AKAP6: variants seen among roughly 807,000 people sequenced by gnomAD.
AKAP6 encodes A-kinase anchoring protein 6, also known as A-kinase anchor protein 6.
AKAP6 carries 58 observed loss-of-function variants against 188.5 expected under a neutral mutation model. That is an observed-to-expected ratio of 0.31 (90% CI 0.25 to 0.38). The LOEUF is 0.38. Ranked by LOEUF, AKAP6 falls within the 10% of genes least tolerant of loss-of-function variation. The pLI is 1.00. For missense variants in AKAP6, 2,710 were observed against 2,740.0 expected (o/e 0.99, Z 0.24); for synonymous variants, 989 against 998.6 (o/e 0.99, Z 0.18).
intron 11 of AKAP6, among the ~76,000 whole-genome samples, chr14:32,766,160 A>G (rs1177308120): frequency 2.0e-5 from 3 of 152,138 alleles, no homozygotes; most frequent in African/African-American, 7.2e-5. Context: ...GATGTTCTCA[A>G]GGTTCATCCA....
chr14:32,720,714 T>C (rs117779541), intron 9 of AKAP6, among the ~76,000 whole-genome samples: 110 of 152,324 alleles, frequency 7.2e-4, no homozygotes, highest in Non-Finnish European at 1.2e-3. Flanking sequence ...TGCAGTGGCA[T>C]GCACCTGTAG....
intron 1 of AKAP6, among the ~76,000 whole-genome samples, chr14:32,380,924 T>C (rs1312636588): frequency 7.9e-5 from 12 of 152,180 alleles, no homozygotes; most frequent in Non-Finnish European, 1.8e-4. Context: ...TTAGCAGGCC[T>C]TATACATAAA....
At position 32,823,035 on chromosome 14, in the gene AKAP6, C is replaced by G; in HGVS notation, c.5222C>G (p.Ser1741Cys). The G allele has an allele frequency of 6.2e-7, 1 of 1,613,788 alleles. No homozygotes were observed. The highest frequency in any genetic ancestry group is 2.2e-5 in the East Asian group (1 of 44,846). ...AATGTCAGCATGATTGTTAATGTCT[C>G]TTGCACCTCTGCTTGCACTGATGAT... ...DVNVSMIVNVSCTSACTDDED... is the reference protein window; with the variant it reads ...DVNVSMIVNVCCTSACTDDED... The change falls in exon 13 of 14, where the codon TCT becomes TGT. Residue 1741 changes from serine (S) to cysteine (C), a missense_variant. Physicochemically the swap from Ser to Cys is moderately radical, Grantham distance 112. Transcript: ENST00000280979.
At chr14:32,394,645 C>G (rs1298125566) in intron 1 of AKAP6, among the ~76,000 whole-genome samples, 3 of 152,188 alleles carry the variant, frequency 2.0e-5, no homozygotes, top group African/African-American at 7.2e-5. Context: ...TGTATAGACA[C>G]TCATACAGTT....
chr14:32,452,011 ATTTTTTTTTTTTTT>A (rs61035125), intron 2 of AKAP6, among the ~76,000 whole-genome samples: 3 of 66,194 alleles, frequency 4.5e-5, no homozygotes, highest in African/African-American at 1.5e-4. Context: ...TTTTCTTTAC[ATTTTTTTTTTTTTT>A]TTTTTTTTTT....
intron 4 of AKAP6, among the ~76,000 whole-genome samples, chr14:32,558,824 A>G (rs57544429): frequency 0.13 from 19,647 of 152,130 alleles, 2,454 homozygotes; most frequent in African/African-American, 0.33. Flanking sequence ...AATGGAGGGC[A>G]GCCACCTTTC....
intron 10 of AKAP6, 193 bp downstream of exon 10, chr14:32,732,793 G>A (rs1156746847): frequency 1.5e-6 from 1 of 656,602 alleles, no homozygotes. Context: ...TTTTTTCTGA[G>A]CTTGTCCCCT....
At chr14:32,668,685 G>A (rs1889052368) in intron 7 of AKAP6, among the ~76,000 whole-genome samples, 1 of 152,048 alleles carries the variant, frequency 6.6e-6, no homozygotes, top group Non-Finnish European at 1.5e-5. Flanking sequence ...TTAGACATGA[G>A]ATTTGTAAAT....
intron 2 of AKAP6, among the ~76,000 whole-genome samples, chr14:32,465,028 A>G (rs1566519144): frequency 1.3e-5 from 2 of 152,188 alleles, no homozygotes; most frequent in African/African-American, 4.8e-5. Context: ...AATAAAACTT[A>G]CAAGGGATGC....
intron 9 of AKAP6, among the ~76,000 whole-genome samples, chr14:32,718,905 T>C (rs2030376346): frequency 6.6e-6 from 1 of 152,140 alleles, no homozygotes; most frequent in Non-Finnish European, 1.5e-5. Flanking sequence ...ATGCTAAGAA[T>C]TACAGTGGGT....
chr14:32,800,060 T>TATATATATAG, intron 12 of AKAP6, among the ~76,000 whole-genome samples: 1 of 117,716 alleles, frequency 8.5e-6, no homozygotes, highest in African/African-American at 3.3e-5. Flanking sequence ...TCTCTCTCTC[T>TATATATATAG]CTATATATAT....
chr14:32,609,426 G>T (rs1886258118), intron 7 of AKAP6, among the ~76,000 whole-genome samples: 1 of 152,240 alleles, frequency 6.6e-6, no homozygotes, highest in East Asian at 1.9e-4. Context: ...CCTAAATGAA[G>T]GTTTATGTTT....
At chr14:32,650,425 C>T (rs1888166138) in intron 7 of AKAP6, among the ~76,000 whole-genome samples, 3 of 152,000 alleles carry the variant, frequency 2.0e-5, no homozygotes, top group Admixed American at 2.0e-4. Flanking sequence ...CCAGCCTGAC[C>T]AACACGGTGA....
chr14:32,583,868 G>A (rs959278488), intron 5 of AKAP6, among the ~76,000 whole-genome samples: 1 of 152,178 alleles, frequency 6.6e-6, no homozygotes, highest in Non-Finnish European at 1.5e-5. Context: ...GATTTTCCAG[G>A]TGCCATCTGT....
chr14:32,633,865 C>T (rs1169437194), intron 7 of AKAP6, among the ~76,000 whole-genome samples: 1 of 152,114 alleles, frequency 6.6e-6, no homozygotes, highest in Non-Finnish European at 1.5e-5. Context: ...TTCTTCATGT[C>T]TCCCATCTCT....
intron 12 of AKAP6, among the ~76,000 whole-genome samples, chr14:32,799,425 C>T (rs1409470302): frequency 1.4e-5 from 2 of 147,780 alleles, no homozygotes; most frequent in East Asian, 2.0e-4. Flanking sequence ...AATTTATCTT[C>T]GAATATATGC....
At position 32,710,932 on chromosome 14, in the gene AKAP6, A is replaced by T. The variant is rs13379214; in HGVS notation, c.3000+14822A>T. ...ACTGCCAGGCACATTCATTTATGAA[A>T]TATCTATATCTGCTTTTACGCAATG... On this transcript the variant is annotated intron_variant, in intron 9 of 13. Coordinates refer to ENST00000280979, the MANE Select transcript of AKAP6 (RefSeq NM_004274.5). 2.3e-3 allele frequency among the ~76,000 whole-genome samples: 346 copies of T among 152,200 alleles called. 1 individual carries two copies. The highest frequency in any genetic ancestry group is 8.0e-3 in the African/African-American group (331 of 41,538).
At chr14:32,796,037 T>C (rs2033758607) in intron 12 of AKAP6, among the ~76,000 whole-genome samples, 1 of 152,056 alleles carries the variant, frequency 6.6e-6, no homozygotes, top group African/African-American at 2.4e-5. Context: ...TCACAATTGC[T>C]ACAAAAAGTA....
chr14:32,663,544 T>G (rs1262583604), intron 7 of AKAP6, among the ~76,000 whole-genome samples: 2 of 152,062 alleles, frequency 1.3e-5, no homozygotes, highest in African/African-American at 4.8e-5. Context: ...AAGTAACACT[T>G]AAACTGAAAC....
Sources: allele counts gnomAD v4.1 joint callset (sites outside exome capture counted in the v4.1 genomes callset), GRCh38; gene constraint gnomAD v4.1.1; transcripts MANE v1.5; gene names NCBI Gene and HGNC (gene_info 2026-07-23, HGNC 2026-07-21).